Variants in CRYBG1 observed in about 807,000 individuals in gnomAD.
The protein encoded by CRYBG1 is beta/gamma crystallin domain-containing protein 1.
A neutral mutation model predicts 189.2 loss-of-function variants in CRYBG1; 139 were observed. The ratio of observed to expected loss-of-function variants is 0.73; its 90% CI spans 0.64 to 0.85. The LOEUF (loss-of-function observed/expected upper bound fraction) is 0.85. CRYBG1 is among the 40% of genes least tolerant of loss of function. The pLI is 0.00. For synonymous variants in CRYBG1, 1,023 were observed against 1,017.1 expected, an observed-to-expected ratio of 1.01 and a Z score of -0.11; for missense variants, 2,611 against 2,675.8, an observed-to-expected ratio of 0.98 and a Z score of 0.53.
intron 2 of CRYBG1, among the ~76,000 whole-genome samples, chr6:106,498,278 A>G (rs1407646166): frequency 6.6e-6 from 1 of 152,214 alleles, no homozygotes; most frequent in Non-Finnish European, 1.5e-5. Flanking sequence ...ATGACTAATT[A>G]TAAAGCAAAC....
intron 2 of CRYBG1, among the ~76,000 whole-genome samples, chr6:106,472,739 T>TAAA (rs34089235): frequency 9.6e-4 from 139 of 144,728 alleles, no homozygotes; most frequent in African/African-American, 3.5e-3. Context: ...CACAAAATAT[T>TAAA]AAAAAAAAAA....
chr6:106,383,045 A>G (rs1280844484), intron 1 of CRYBG1, among the ~76,000 whole-genome samples: 1 of 152,234 alleles, frequency 6.6e-6, no homozygotes, highest in Non-Finnish European at 1.5e-5. Context: ...TAAGTAATCA[A>G]GTGGGCAGAA....
At chr6:106,408,490 G>T (rs576595287) in intron 1 of CRYBG1, among the ~76,000 whole-genome samples, 2 of 152,230 alleles carry the variant, frequency 1.3e-5, no homozygotes, top group East Asian at 3.9e-4. Context: ...CCAATCAATA[G>T]AAAAAGAGGG....
intron 2 of CRYBG1, among the ~76,000 whole-genome samples, chr6:106,470,089 G>A (rs1772199655): frequency 6.6e-6 from 1 of 152,178 alleles, no homozygotes; most frequent in South Asian, 2.1e-4. Flanking sequence ...AGGTGTAGGT[G>A]CAGTCACTCC....
chr6:106,391,573 T>C (rs1047977473), intron 1 of CRYBG1, among the ~76,000 whole-genome samples: 1 of 152,078 alleles, frequency 6.6e-6, no homozygotes, highest in Non-Finnish European at 1.5e-5. Context: ...ATCAGTCTTT[T>C]TTTTTTACAT....
chr6:106,383,578 A>G (rs1371957859), intron 1 of CRYBG1, among the ~76,000 whole-genome samples: 1 of 152,234 alleles, frequency 6.6e-6, no homozygotes, highest in Non-Finnish European at 1.5e-5. Flanking sequence ...ATAATAGAAT[A>G]GTTTATAGTT....
intron 2 of CRYBG1, among the ~76,000 whole-genome samples, chr6:106,457,528 G>C (rs1273833803): frequency 2.0e-5 from 3 of 152,154 alleles, no homozygotes; most frequent in Admixed American, 2.0e-4. Context: ...CCTAAGGTTA[G>C]AACTTCTCCA....
rs1382519156 is a variant in CRYBG1, at chr6:106,473,836, C to T, written c.312+22004C>T. Among the ~76,000 whole-genome samples, 4 of 152,212 alleles carry T rather than the reference C, an allele frequency of 2.6e-5. No homozygotes were observed. The East Asian group carries it at 7.7e-4, about 29-fold the overall frequency. On this transcript the variant is annotated intron_variant, in intron 2 of 21. Coordinates refer to ENST00000633556, the MANE Select transcript of CRYBG1 (RefSeq NM_001371242.2). ...ATTTTCTGGACATGTAATTTCAAGA[C>T]ATGTTGGTCTGTTGTCATCTGAGCT...
At chr6:106,427,879 T>A (rs1212274737) in intron 1 of CRYBG1, among the ~76,000 whole-genome samples, 1 of 152,176 alleles carries the variant, frequency 6.6e-6, no homozygotes, top group Non-Finnish European at 1.5e-5. Flanking sequence ...CAGGCACGCT[T>A]GGCCTTTTTC....
intron 3 of CRYBG1, among the ~76,000 whole-genome samples, chr6:106,517,435 C>CATATATAT (rs1554188250): frequency 8.0e-6 from 1 of 124,312 alleles, no homozygotes; most frequent in Non-Finnish European, 1.7e-5. Context: ...TATATACACA[C>CATATATAT]ACACATATAT....
At position 106,520,500 on chromosome 6, in the gene CRYBG1, G is replaced by C. The variant is rs774462967; in HGVS notation, c.3292G>C (p.Val1098Leu). 3 of 1,614,146 alleles carry C rather than the reference G, an allele frequency of 1.9e-6. No homozygotes were observed. In the East Asian group the frequency reaches 6.7e-5, roughly 36 times the overall value. Residue 1098 changes from valine to leucine, a missense_variant, in exon 4 of 22, where the codon GTA becomes CTA. Physicochemically the swap from Val to Leu is conservative, Grantham distance 32 (BLOSUM62 1). Around this residue, in one of 3 missense-constraint regions of CRYBG1, gnomAD observed 1,622 missense variants for 1,735.0 expected, o/e 0.93. Transcript: ENST00000633556. ...LNISAGSDDSVFDSSSDMEKF... is the reference protein window; with the variant it reads ...LNISAGSDDSLFDSSSDMEKF... ...CATTTCTGCTGGTAGTGATGATAGTGTATTTGATTCTTCTTCTGATATGGA... is the reference window on the plus strand; with the variant it reads ...CATTTCTGCTGGTAGTGATGATAGTCTATTTGATTCTTCTTCTGATATGGA...
intron 1 of CRYBG1, among the ~76,000 whole-genome samples, chr6:106,450,079 T>C (rs985248508): frequency 1.1e-4 from 17 of 151,208 alleles, no homozygotes; most frequent in African/African-American, 4.1e-4. Context: ...ACAAAAAAAT[T>C]AGCTGGGTGT....
At chr6:106,467,316 A>G (rs970750667) in intron 2 of CRYBG1, among the ~76,000 whole-genome samples, 8 of 151,828 alleles carry the variant, frequency 5.3e-5, no homozygotes, top group African/African-American at 1.9e-4. Flanking sequence ...TCCAAAAACT[A>G]AAAAAATTAG....
intron 13 of CRYBG1, among the ~76,000 whole-genome samples, chr6:106,547,018 C>T (rs1774279287): frequency 6.6e-6 from 1 of 152,194 alleles, no homozygotes; most frequent in Admixed American, 6.5e-5. Flanking sequence ...CTTTTTAACC[C>T]AGGCCTTGCT....
At chr6:106,504,467 G>T (rs1773085392) in intron 2 of CRYBG1, among the ~76,000 whole-genome samples, 1 of 151,984 alleles carries the variant, frequency 6.6e-6, no homozygotes, top group African/African-American at 2.4e-5. Context: ...AGTAACAGAG[G>T]TTCATAGTTC....
intron 2 of CRYBG1, among the ~76,000 whole-genome samples, chr6:106,474,813 C>G (rs1430731914): frequency 1.3e-5 from 2 of 152,158 alleles, no homozygotes; most frequent in African/African-American, 2.4e-5. Context: ...AGTTTCAGTT[C>G]ATTCTGAAGG....
At chr6:106,416,120 C>A (rs1771016310) in intron 1 of CRYBG1, among the ~76,000 whole-genome samples, 1 of 152,160 alleles carries the variant, frequency 6.6e-6, no homozygotes, top group African/African-American at 2.4e-5. Context: ...CCACAGCTTT[C>A]AAAGTTCTCC....
chr6:106,384,895 C>T (rs984978437), intron 1 of CRYBG1, among the ~76,000 whole-genome samples: 1 of 84,584 alleles, frequency 1.2e-5, no homozygotes, highest in African/African-American at 3.6e-5. Flanking sequence ...GGGGTGCAGT[C>T]TCTTTCAAAA....
At chr6:106,532,581 C>T (rs1020366371) in intron 8 of CRYBG1, among the ~76,000 whole-genome samples, 2 of 152,188 alleles carry the variant, frequency 1.3e-5, no homozygotes, top group South Asian at 4.1e-4. Flanking sequence ...TATATTGTGT[C>T]TTTTTGATAA....
Sources: allele counts gnomAD v4.1 joint callset (sites outside exome capture counted in the v4.1 genomes callset), GRCh38; gene constraint gnomAD v4.1.1; regional missense constraint gnomAD v4.1.1; transcripts MANE v1.5; gene names NCBI Gene and HGNC (gene_info 2026-07-23, HGNC 2026-07-21).